ATF1: variants seen among roughly 807,000 people sequenced by gnomAD.
The protein encoded by ATF1 is activating transcription factor 1, also known as cyclic AMP-dependent transcription factor ATF-1.
Under a neutral mutation model 34.7 loss-of-function variants are expected in ATF1, and 16 were observed. The observed-to-expected ratio is 0.46, with a 90% CI of 0.31 to 0.70. The LOEUF (loss-of-function observed/expected upper bound fraction) is 0.70. Ranked by LOEUF, ATF1 falls within the 30% of genes least tolerant of loss-of-function variation. ATF1 has a pLI of 0.05. For synonymous variants in ATF1, 105 were observed against 113.1 expected, an observed-to-expected ratio of 0.93 and a Z score of 0.46; for missense variants, 255 against 321.6, an observed-to-expected ratio of 0.79 and a Z score of 1.58.
At position 50,778,592 on chromosome 12, in the gene ATF1, A is replaced by G. The variant is rs572931104; in HGVS notation, c.-6-1548A>G. 4.7e-5 allele frequency among the ~76,000 whole-genome samples: 7 copies of G among 148,508 alleles called. No individual in the cohort carries two copies. The South Asian group carries it at 1.5e-3, about 32-fold the overall frequency. On this transcript the variant is annotated intron_variant, in intron 1 of 6. Coordinates refer to ENST00000262053, the MANE Select transcript of ATF1 (RefSeq NM_005171.5). ...TTCACAGTGTGTACAACCAATGTCCAGAACTTTTTTTTTTTTTGAGACAAT... is the reference window on the plus strand; with the variant it reads ...TTCACAGTGTGTACAACCAATGTCCGGAACTTTTTTTTTTTTTGAGACAAT...
chr12:50,810,149 T>C (rs1376448255), intron 4 of ATF1, among the ~76,000 whole-genome samples: 1 of 151,238 alleles, frequency 6.6e-6, no homozygotes, highest in Non-Finnish European at 1.5e-5. Context: ...TGTTCATTCT[T>C]ATATCTATGT....
intron 1 of ATF1, among the ~76,000 whole-genome samples, chr12:50,765,502 T>TTTTTG (rs1042369891): frequency 1.3e-5 from 2 of 152,144 alleles, no homozygotes; most frequent in Non-Finnish European, 2.9e-5. Context: ...TCTTTGCCAG[T>TTTTTG]TTTTGTTTTG....
At chr12:50,776,257 A>C (rs1940919900) in intron 1 of ATF1, among the ~76,000 whole-genome samples, 1 of 150,782 alleles carries the variant, frequency 6.6e-6, no homozygotes, top group Admixed American at 6.6e-5. Context: ...TGGAGCTTGC[A>C]GTGAGCCGAG....
At chr12:50,799,596 T>C (rs1372804166) in intron 3 of ATF1, among the ~76,000 whole-genome samples, 4 of 152,080 alleles carry the variant, frequency 2.6e-5, no homozygotes, top group African/African-American at 7.2e-5. Flanking sequence ...AAAGAAGCTA[T>C]TATTAAACTG....
At chr12:50,786,684 AG>A (rs1941192038) in intron 2 of ATF1, among the ~76,000 whole-genome samples, 1 of 152,198 alleles carries the variant, frequency 6.6e-6, no homozygotes, top group Non-Finnish European at 1.5e-5. Context: ...ACAAACCCTG[AG>A]GGAACGGCAG....
chr12:50,800,974 G>A (rs912741113), intron 3 of ATF1, among the ~76,000 whole-genome samples: 2 of 152,090 alleles, frequency 1.3e-5, no homozygotes, highest in Non-Finnish European at 2.9e-5. Flanking sequence ...GGTGGCAGGC[G>A]CCTGTAATCC....
intron 1 of ATF1, among the ~76,000 whole-genome samples, chr12:50,778,224 C>CT (rs71086479): frequency 0.57 from 55,188 of 96,774 alleles, 17,121 homozygotes; most frequent in East Asian, 0.69. Flanking sequence ...CCATATTAAC[C>CT]TTTTTTTTTT....
chr12:50,800,050 A>G (rs1374768722), intron 3 of ATF1, among the ~76,000 whole-genome samples: 1 of 152,256 alleles, frequency 6.6e-6, no homozygotes, highest in Non-Finnish European at 1.5e-5. Context: ...ATCATTGCCC[A>G]GACTTACCAT....
At chr12:50,766,696 G>A (rs1272334554) in intron 1 of ATF1, among the ~76,000 whole-genome samples, 1 of 143,744 alleles carries the variant, frequency 7.0e-6, no homozygotes, top group Non-Finnish European at 1.5e-5. Context: ...TGATGGGACT[G>A]CTGGAAAAGG....
At chr12:50,768,592 T>C (rs1046844355) in intron 1 of ATF1, among the ~76,000 whole-genome samples, 4 of 152,232 alleles carry the variant, frequency 2.6e-5, no homozygotes, top group Non-Finnish European at 5.9e-5. Context: ...GTTATCATCA[T>C]CATCTGTCTT....
chr12:50,813,953 CT>C, intron 4 of ATF1, 56 bp from the exon 5 acceptor site: 1 of 1,513,866 alleles, frequency 6.6e-7, no homozygotes, highest in Non-Finnish European at 8.9e-7. Flanking sequence ...TTTGCCACTC[CT>C]TTGAATTAGT....
At chr12:50,788,160 A>G (rs1008807670) in intron 2 of ATF1, 1 of 445,498 alleles carries the variant, frequency 2.2e-6, no homozygotes, top group Non-Finnish European at 4.5e-6. Flanking sequence ...AAGATGAGGA[A>G]TAAAAATTAA....
At chr12:50,766,030 G>T (rs1041323043) in intron 1 of ATF1, among the ~76,000 whole-genome samples, 4 of 151,942 alleles carry the variant, frequency 2.6e-5, no homozygotes, top group African/African-American at 9.7e-5. Flanking sequence ...ATTATTTCTT[G>T]CGCGAGATCC....
At chr12:50,782,764 A>G (rs1207137629) in intron 2 of ATF1, among the ~76,000 whole-genome samples, 2 of 140,552 alleles carry the variant, frequency 1.4e-5, no homozygotes, top group East Asian at 2.1e-4. Context: ...ATCTTGGCTC[A>G]CTGCAACCTC....
chr12:50,770,999 CTTTT>C (rs200781102), intron 1 of ATF1, among the ~76,000 whole-genome samples: 2 of 149,958 alleles, frequency 1.3e-5, no homozygotes, highest in Middle Eastern at 3.4e-3. Context: ...TTGCTTTACT[CTTTT>C]TTTTTTCTTT....
rs75307799 is a variant in ATF1, at chr12:50,773,466, T to C, written c.-6-6674T>C. ...ATTCTTTTTTTTTTTTTTTTTTTTT[T>C]CGAGACAAAGTCTCATTCTATTGCC... On this transcript the variant is annotated intron_variant, in intron 1 of 6. Transcript: ENST00000262053. Among the ~76,000 whole-genome samples the C allele has an allele frequency of 1.3e-3, 192 of 149,560 alleles. 1 individual carries two copies. The highest frequency in any genetic ancestry group is 3.7e-3 in the African/African-American group (151 of 40,632).
chr12:50,814,468 G>A (rs1159247209), intron 6 of ATF1, 29 bp downstream of exon 6: 2 of 1,601,550 alleles, frequency 1.2e-6, no homozygotes, highest in Non-Finnish European at 1.7e-6. Flanking sequence ...GTACCAGAAT[G>A]GGTAATGTTT....
chr12:50,820,174 A>ATATG lies in ATF1; in HGVS notation c.*396_*397insATGT, dbSNP rs1555204029. The ATATG allele has an allele frequency of 1.4e-5, 3 of 210,798 alleles. No homozygotes were observed. Among genetic ancestry groups the ATATG allele is most frequent in the Non-Finnish European group, 2.9e-5 (3 of 103,916 alleles). 13.1% of individuals were successfully genotyped at this position (210,798 alleles called of 1,614,324 possible). A position where few individuals can be genotyped will look rare whatever the true frequency, so the allele number is the denominator to read the frequency against. On this transcript the variant is annotated 3_prime_UTR_variant, in exon 7 of 7. Transcript: ENST00000262053. ...AATTTACCTTTTTTTAGTTATATATATGTGTGTGTGTGTGTGTAATTTCTG... is the reference window on the plus strand; with the variant it reads ...AATTTACCTTTTTTTAGTTATATATATATGTGTGTGTGTGTGTGTGTAATTTCTG...
intron 4 of ATF1, among the ~76,000 whole-genome samples, chr12:50,811,081 C>T (rs1021798019): frequency 4.6e-5 from 7 of 152,170 alleles, no homozygotes; most frequent in South Asian, 2.1e-4. Context: ...CTCAGACACA[C>T]GAGCTTGTTT....
Sources: allele counts gnomAD v4.1 joint callset (sites outside exome capture counted in the v4.1 genomes callset), GRCh38; gene constraint gnomAD v4.1.1; transcripts MANE v1.5; gene names NCBI Gene and HGNC (gene_info 2026-07-23, HGNC 2026-07-21).